Variants in SNTG2 observed in about 807,000 individuals in gnomAD.
The protein encoded by SNTG2 is syntrophin gamma 2.
A neutral mutation model predicts 70.9 loss-of-function variants in SNTG2; 74 were observed. That is an observed-to-expected ratio of 1.04 (90% CI 0.86 to 1.27). The LOEUF is 1.27. Ranked by LOEUF, SNTG2 falls within the 50% of genes most tolerant of loss-of-function variation. The pLI is 0.00. For synonymous variants in SNTG2, 278 were observed against 273.8 expected (o/e 1.02, Z -0.15); for missense variants, 717 against 690.7 (o/e 1.04, Z -0.43).
At chr2:1,103,677 C>A (rs1040099336) in intron 4 of SNTG2, among the ~76,000 whole-genome samples, 1 of 152,140 alleles carries the variant, frequency 6.6e-6, no homozygotes, top group South Asian at 2.1e-4. Flanking sequence ...CGTGAGCCAC[C>A]GCGCCTGGCC....
intron 14 of SNTG2, among the ~76,000 whole-genome samples, chr2:1,306,372 G>C (rs1160473112): frequency 6.6e-6 from 1 of 152,214 alleles, no homozygotes; most frequent in African/African-American, 2.4e-5. Flanking sequence ...TAAGAGGGGA[G>C]AGGCAGGGAC....
At chr2:983,445 G>A (rs1414907655) in intron 1 of SNTG2, among the ~76,000 whole-genome samples, 2 of 152,020 alleles carry the variant, frequency 1.3e-5, no homozygotes, top group Non-Finnish European at 2.9e-5. Context: ...ATCACGCTCT[G>A]ATTTAATCAG....
intron 1 of SNTG2, among the ~76,000 whole-genome samples, chr2:961,118 A>G (rs1443255454): frequency 1.3e-5 from 2 of 152,348 alleles, no homozygotes; most frequent in East Asian, 1.9e-4. Flanking sequence ...TAAATGAGAA[A>G]TTGTCATGGT....
intron 4 of SNTG2, among the ~76,000 whole-genome samples, chr2:1,115,434 C>T (rs1666886928): frequency 6.8e-6 from 1 of 147,204 alleles, no homozygotes; most frequent in Non-Finnish European, 1.5e-5. Flanking sequence ...ATTGTGTTTA[C>T]TAAGTGAGGT....
chr2:1,253,051 A>G (rs1364109236), intron 12 of SNTG2, among the ~76,000 whole-genome samples: 1 of 152,204 alleles, frequency 6.6e-6, no homozygotes, highest in Non-Finnish European at 1.5e-5. Flanking sequence ...TTTTATCCTG[A>G]CATAAACATG....
intron 1 of SNTG2, among the ~76,000 whole-genome samples, chr2:1,004,848 C>G (rs905654140): frequency 6.6e-6 from 1 of 152,060 alleles, no homozygotes; most frequent in Non-Finnish European, 1.5e-5. Flanking sequence ...TGTACCCACA[C>G]AAAAAACATG....
chr2:1,016,614 G>A (rs545182027), intron 1 of SNTG2, among the ~76,000 whole-genome samples: 2 of 152,308 alleles, frequency 1.3e-5, no homozygotes, highest in South Asian at 2.1e-4. Context: ...AGCAGAGACC[G>A]AAAGCAGGCA....
intron 1 of SNTG2, among the ~76,000 whole-genome samples, chr2:963,137 A>T (rs1004724012): frequency 6.6e-6 from 1 of 151,642 alleles, no homozygotes; most frequent in Non-Finnish European, 1.5e-5. Flanking sequence ...GCTTTTTTTA[A>T]AAAAAAAACT....
chr2:1,124,305 A>ATTTTTTTTTTTTTTT (rs763685919), intron 4 of SNTG2, among the ~76,000 whole-genome samples: 1 of 147,436 alleles, frequency 6.8e-6, no homozygotes, highest in African/African-American at 2.6e-5. Flanking sequence ...TCTTTTTTTA[A>ATTTTTTTTTTTTTTT]TTTTTCTCAG....
chr2:1,082,192 C>T (rs1424315489), intron 1 of SNTG2, among the ~76,000 whole-genome samples: 1 of 152,224 alleles, frequency 6.6e-6, no homozygotes, highest in Non-Finnish European at 1.5e-5. Context: ...GCCCTTCCTA[C>T]CGCACTGTGC....
chr2:1,156,309 G>C (rs1386272656), intron 6 of SNTG2, among the ~76,000 whole-genome samples: 3 of 152,110 alleles, frequency 2.0e-5, no homozygotes, highest in African/African-American at 7.2e-5. Flanking sequence ...TCTTTTGTTG[G>C]GGGGGATGGG....
chr2:1,132,826 T>C (rs1668114868), intron 4 of SNTG2, among the ~76,000 whole-genome samples: 1 of 152,158 alleles, frequency 6.6e-6, no homozygotes, highest in Non-Finnish European at 1.5e-5. Flanking sequence ...GCTAAACACC[T>C]CCCAGGGCCC....
At chr2:1,057,703 A>T (rs1320143062) in intron 1 of SNTG2, among the ~76,000 whole-genome samples, 7 of 152,206 alleles carry the variant, frequency 4.6e-5, no homozygotes, top group Non-Finnish European at 1.5e-5. Context: ...CAGGATCAGT[A>T]CTTTGCATCC....
At chr2:1,214,022 A>G (rs1674214797) in intron 9 of SNTG2, among the ~76,000 whole-genome samples, 1 of 152,112 alleles carries the variant, frequency 6.6e-6, no homozygotes, top group Admixed American at 6.5e-5. Context: ...TTTCCTCATG[A>G]TATGTTCCTG....
intron 14 of SNTG2, among the ~76,000 whole-genome samples, chr2:1,298,290 A>G (rs1680308049): frequency 6.6e-6 from 1 of 151,620 alleles, no homozygotes; most frequent in South Asian, 2.1e-4. Flanking sequence ...CCACCACCAC[A>G]CCCAGATAAT....
At chr2:1,142,851 A>T (rs950295750) in intron 6 of SNTG2, among the ~76,000 whole-genome samples, 5 of 152,222 alleles carry the variant, frequency 3.3e-5, no homozygotes, top group African/African-American at 1.2e-4. Flanking sequence ...TCCCATGCAC[A>T]ATCAAAAGTT....
chr2:1,037,037 G>A (rs778268737), intron 1 of SNTG2, among the ~76,000 whole-genome samples: 32 of 152,240 alleles, frequency 2.1e-4, no homozygotes, highest in Non-Finnish European at 4.0e-4. Flanking sequence ...GCAGGTGGCT[G>A]CCTGAAGTTC....
At chr2:1,120,546 G>C (rs1667315510) in intron 4 of SNTG2, among the ~76,000 whole-genome samples, 1 of 152,138 alleles carries the variant, frequency 6.6e-6, no homozygotes, top group Non-Finnish European at 1.5e-5. Context: ...CATATTAAAA[G>C]TGAAGATAGG....
chr2:1,334,321 A>G (rs1572996076), intron 16 of SNTG2, among the ~76,000 whole-genome samples: 1 of 152,232 alleles, frequency 6.6e-6, no homozygotes, highest in East Asian at 1.9e-4. Flanking sequence ...TGTGATAAAA[A>G]GGGAACACTT....
Sources: allele counts gnomAD v4.1 joint callset (sites outside exome capture counted in the v4.1 genomes callset), GRCh38; gene constraint gnomAD v4.1.1; transcripts MANE v1.5; gene names NCBI Gene and HGNC (gene_info 2026-07-23, HGNC 2026-07-21).